The following APOLD1 variants were observed in gnomAD, a reference collection of about 807,000 sequenced individuals.
APOLD1 encodes apolipoprotein L domain containing 1, also known as apolipoprotein L domain-containing protein 1.
A neutral mutation model predicts 15.3 loss-of-function variants in APOLD1; 22 were observed. The observed-to-expected ratio is 1.44, with a 90% CI of 1.03 to 2.05. The LOEUF (loss-of-function observed/expected upper bound fraction) is 2.05. Among genes scored for constraint, APOLD1 ranks in the 30% most tolerant of loss-of-function variants. The pLI is 0.00. For missense variants in APOLD1, 394 were observed against 353.5 expected, an observed-to-expected ratio of 1.11 and a Z score of -0.92; for synonymous variants, 190 against 167.4, an observed-to-expected ratio of 1.13 and a Z score of -1.04.
At chr12:12,786,543 G>A in intron 1 of APOLD1, 1 of 500,494 alleles carries the variant, frequency 2.0e-6, no homozygotes, top group Non-Finnish European at 2.6e-6. Context: ...GTTATCTTAA[G>A]TAGAGCAAAG....
intron 1 of APOLD1, among the ~76,000 whole-genome samples, chr12:12,779,762 T>C (rs1947064928): frequency 2.0e-5 from 3 of 152,200 alleles, no homozygotes; most frequent in African/African-American, 7.2e-5. Context: ...GAGGACTATG[T>C]CAACATAGAC....
At chr12:12,745,043 G>A (rs912511082) in intron 1 of APOLD1, among the ~76,000 whole-genome samples, 1 of 152,108 alleles carries the variant, frequency 6.6e-6, no homozygotes, top group Admixed American at 6.6e-5. Context: ...GTGTTAGAGG[G>A]AAAAATGTAT....
chr12:12,781,124 A>G (rs558004211), upstream of APOLD1, among the ~76,000 whole-genome samples: 131 of 152,318 alleles, frequency 8.6e-4, no homozygotes, highest in African/African-American at 3.0e-3. Flanking sequence ...TTTATATTCC[A>G]TTATAGAATT....
At chr12:12,761,830 TAGAGAGAGAGAG>T (rs6144616) in intron 1 of APOLD1, among the ~76,000 whole-genome samples, 48 of 114,638 alleles carry the variant, frequency 4.2e-4, no homozygotes, top group African/African-American at 1.5e-3. Flanking sequence ...TGTATATGTA[TAGAGAGAGAGAG>T]AGAGAGAGAG....
intron 1 of APOLD1, among the ~76,000 whole-genome samples, chr12:12,779,684 G>T (rs770828433): frequency 6.6e-6 from 1 of 152,190 alleles, no homozygotes; most frequent in Non-Finnish European, 1.5e-5. Flanking sequence ...AGCAATCCAA[G>T]TGTCTAACAG....
chr12:12,753,211 G>C (rs917960914), intron 1 of APOLD1, among the ~76,000 whole-genome samples: 3 of 152,186 alleles, frequency 2.0e-5, no homozygotes, highest in Non-Finnish European at 4.4e-5. Flanking sequence ...AAACTCAATA[G>C]ACGATAAAAC....
chr12:12,764,646 C>T, intron 1 of APOLD1: 1 of 471,648 alleles, frequency 2.1e-6, no homozygotes, highest in Non-Finnish European at 4.3e-6. Flanking sequence ...TGGTTGATTT[C>T]TCGGTGAGTG....
At chr12:12,777,691 A>C (rs1947046704) in intron 1 of APOLD1, among the ~76,000 whole-genome samples, 1 of 142,990 alleles carries the variant, frequency 7.0e-6, no homozygotes, top group African/African-American at 2.6e-5. Context: ...CTTACTGAGC[A>C]CCAGTGTGAC....
intron 1 of APOLD1, among the ~76,000 whole-genome samples, chr12:12,727,452 C>A (rs1490722637): frequency 2.6e-5 from 4 of 152,096 alleles, no homozygotes; most frequent in Non-Finnish European, 5.9e-5. Context: ...AAGACTATCA[C>A]CTGTGGTAAC....
intron 1 of APOLD1, among the ~76,000 whole-genome samples, chr12:12,732,610 A>T (rs1229388342): frequency 6.6e-6 from 1 of 151,966 alleles, no homozygotes; most frequent in Non-Finnish European, 1.5e-5. Flanking sequence ...CTGTGATCCC[A>T]TCTACTTGGG....
chr12:12,727,826 C>T (rs1487377401), intron 1 of APOLD1, among the ~76,000 whole-genome samples: 1 of 148,652 alleles, frequency 6.7e-6, no homozygotes, highest in Non-Finnish European at 1.5e-5. Flanking sequence ...TCTTGAACTT[C>T]TGGCCTCAAA....
chr12:12,771,275 T>C (rs1423262288), intron 1 of APOLD1: 1 of 178,846 alleles, frequency 5.6e-6, no homozygotes, highest in Non-Finnish European at 1.2e-5. Context: ...TTAGAGCAGA[T>C]TTTGTGTATG....
intron 1 of APOLD1, among the ~76,000 whole-genome samples, chr12:12,743,042 G>T (rs1324553292): frequency 6.6e-6 from 1 of 152,224 alleles, no homozygotes; most frequent in Non-Finnish European, 1.5e-5. Flanking sequence ...GTGAGCCACC[G>T]CGCCCCGCCA....
Position 12,761,800 on chromosome 12 carries a change from TACATGAACATATAC to T in APOLD1, c.97-25107_97-25094del, listed in dbSNP as rs1408323027. Among the ~76,000 whole-genome samples the T allele has an allele frequency of 2.3e-3, 330 of 144,324 alleles. 3 individuals are homozygous for T. The highest frequency in any genetic ancestry group is 0.011 in the Middle Eastern group (3 of 280). 94.7% of individuals were successfully genotyped at this position (144,324 alleles called of 152,430 possible). Reference sequence around the variant, plus strand: ...AATGGTTTGAATGAACATATATATATACATGAACATATACATATATGTATATGTATAGAGAGAGA... The same window carrying T: ...AATGGTTTGAATGAACATATATATATATATATGTATATGTATAGAGAGAGA... On this transcript the variant is annotated intron_variant, in intron 1 of 1. Transcript: ENST00000326765.
At chr12:12,766,840 CA>C (rs1366512185) in intron 1 of APOLD1, among the ~76,000 whole-genome samples, 1 of 150,910 alleles carries the variant, frequency 6.6e-6, no homozygotes, top group East Asian at 2.0e-4. Flanking sequence ...AACTATGTCT[CA>C]AAAACAAAAA....
At chr12:12,753,406 C>A (rs1019963042) in intron 1 of APOLD1, among the ~76,000 whole-genome samples, 2 of 152,074 alleles carry the variant, frequency 1.3e-5, no homozygotes, top group Non-Finnish European at 2.9e-5. Context: ...TGGCTCATGC[C>A]CGTAATCCCA....
At chr12:12,769,739 T>C (rs1272441292) in intron 1 of APOLD1, among the ~76,000 whole-genome samples, 3 of 152,144 alleles carry the variant, frequency 2.0e-5, no homozygotes, top group African/African-American at 7.2e-5. Flanking sequence ...GGAAGGGAAA[T>C]ACCCAACTCC....
chr12:12,742,357 C>T (rs1033920802), intron 1 of APOLD1, among the ~76,000 whole-genome samples: 9 of 152,192 alleles, frequency 5.9e-5, no homozygotes, highest in African/African-American at 1.4e-4. Flanking sequence ...AAGAAAAGCA[C>T]GGAAGGCCCA....
chr12:12,761,243 T>C (rs1347136307), intron 1 of APOLD1, among the ~76,000 whole-genome samples: 5 of 152,248 alleles, frequency 3.3e-5, no homozygotes, highest in Admixed American at 6.5e-5. Flanking sequence ...TAAAGCTGAT[T>C]GAAGGATTAT....
Sources: gnomAD v4.1 joint callset for allele counts (sites outside exome capture counted in the v4.1 genomes callset) on GRCh38, gnomAD v4.1.1 for gene constraint, MANE v1.5 for transcripts, NCBI Gene and HGNC (gene_info 2026-07-23, HGNC 2026-07-21) for gene names.